EEFSEC: variants seen among roughly 807,000 people sequenced by gnomAD.
The protein encoded by EEFSEC is eukaryotic elongation factor, selenocysteine-tRNA specific, also known as selenocysteine-specific elongation factor.
In EEFSEC, 43 loss-of-function variants were observed where a neutral mutation model predicts 42.1. The ratio of observed to expected loss-of-function variants is 1.02; its 90% CI spans 0.80 to 1.32. The LOEUF (loss-of-function observed/expected upper bound fraction) is 1.32, where lower values mean the gene tolerates loss of function less well. Ranked by LOEUF, EEFSEC falls within the 40% of genes most tolerant of loss-of-function variation. The pLI, the probability that EEFSEC is intolerant of heterozygous loss-of-function variation, is 0.00. For synonymous variants in EEFSEC, 354 were observed against 339.1 expected (o/e 1.04, Z -0.48); for missense variants, 745 against 803.6 (o/e 0.93, Z 0.88).
intron 1 of EEFSEC, among the ~76,000 whole-genome samples, chr3:128,203,932 A>G (rs1245613362): frequency 6.6e-6 from 1 of 152,240 alleles, no homozygotes; most frequent in East Asian, 1.9e-4. Context: ...AATGTAAATG[A>G]AACACTAGAG....
intron 1 of EEFSEC, among the ~76,000 whole-genome samples, chr3:128,205,187 G>T (rs1036692371): frequency 2.6e-5 from 4 of 152,122 alleles, no homozygotes; most frequent in Admixed American, 2.6e-4. Context: ...TTATTGATTG[G>T]TTCATTTGTA....
At chr3:128,333,923 T>C (rs2067161579) in intron 4 of EEFSEC, among the ~76,000 whole-genome samples, 1 of 152,118 alleles carries the variant, frequency 6.6e-6, no homozygotes, top group Non-Finnish European at 1.5e-5. Flanking sequence ...CTGGGAGCAG[T>C]CAGAAGGGGG....
At chr3:128,250,935 T>C (rs1238511866) in intron 2 of EEFSEC, among the ~76,000 whole-genome samples, 1 of 106,014 alleles carries the variant, frequency 9.4e-6, no homozygotes, top group African/African-American at 3.4e-5. Flanking sequence ...TTTTTAGCAA[T>C]GTTTTGTAGT....
At chr3:128,184,927 T>G (rs912914280) in intron 1 of EEFSEC, among the ~76,000 whole-genome samples, 2 of 152,124 alleles carry the variant, frequency 1.3e-5, no homozygotes, top group African/African-American at 4.8e-5. Flanking sequence ...TCCCAGCATT[T>G]TGGGAGGCTG....
At chr3:128,321,583 C>A (rs1213722645) in intron 4 of EEFSEC, among the ~76,000 whole-genome samples, 1 of 152,134 alleles carries the variant, frequency 6.6e-6, no homozygotes, top group Admixed American at 6.5e-5. Flanking sequence ...GCTGCCTGCC[C>A]AGGCCACGGC....
chr3:128,391,146 GT>G (rs931298212), intron 6 of EEFSEC, among the ~76,000 whole-genome samples: 2 of 152,262 alleles, frequency 1.3e-5, no homozygotes, highest in African/African-American at 4.8e-5. Flanking sequence ...CCTGCATAGA[GT>G]AGGTGCTCGC....
intron 1 of EEFSEC, among the ~76,000 whole-genome samples, chr3:128,168,578 C>T (rs1323207779): frequency 1.3e-5 from 2 of 152,228 alleles, no homozygotes; most frequent in African/African-American, 4.8e-5. Context: ...TAGACCAGGT[C>T]ACTCACCTCC....
intron 6 of EEFSEC, among the ~76,000 whole-genome samples, chr3:128,371,034 A>C (rs1469315858): frequency 6.6e-6 from 1 of 152,270 alleles, no homozygotes; most frequent in Admixed American, 6.5e-5. Context: ...TGCTTGTTAA[A>C]ATGAGTAGGA....
intron 5 of EEFSEC, among the ~76,000 whole-genome samples, chr3:128,343,745 G>A (rs1401415562): frequency 6.6e-6 from 1 of 152,174 alleles, no homozygotes; most frequent in Non-Finnish European, 1.5e-5. Context: ...TAAACATATG[G>A]CCTCAATGAC....
chr3:128,201,545 A>G lies in EEFSEC; in HGVS notation c.317-45291A>G, dbSNP rs1018645331. Among the ~76,000 whole-genome samples the G allele has an allele frequency of 3.3e-5, 5 of 152,130 alleles. No individual in the cohort carries two copies. The South Asian group carries it at 8.3e-4, about 25-fold the overall frequency. The stretch of plus-strand genomic sequence containing the variant: ...GAAGCAGCTTTCAAATCTTTTGCCT[A>G]TTTTTTATTAGATTTTAAAAAATTA... On this transcript the variant is annotated intron_variant, in intron 1 of 6. Transcript: ENST00000254730.
rs575454119 is a variant in EEFSEC, at chr3:128,178,545, C to T, written c.316+24722C>T. ...TGAAACTTCCTAACGGTCATTCTTTCGGGGGCAGGCAGATTGGTAGAAGTA... is the reference window on the plus strand; with the variant it reads ...TGAAACTTCCTAACGGTCATTCTTTTGGGGGCAGGCAGATTGGTAGAAGTA... On this transcript the variant is annotated intron_variant, in intron 1 of 6. Transcript: ENST00000254730. Among the ~76,000 whole-genome samples the T allele has an allele frequency of 4.4e-3, 514 of 116,188 alleles. 3 individuals are homozygous for T. Among genetic ancestry groups the T allele is most frequent in the Non-Finnish European group, 8.0e-3 (397 of 49,354 alleles). The allele number at this position is 116,188 out of a possible 152,430, so 76.2% of individuals were successfully genotyped here. A position where few individuals can be genotyped will look rare whatever the true frequency, so the allele number is the denominator to read the frequency against.
intron 4 of EEFSEC, among the ~76,000 whole-genome samples, chr3:128,273,519 C>A (rs1248711166): frequency 1.3e-5 from 2 of 152,210 alleles, no homozygotes; most frequent in African/African-American, 2.4e-5. Context: ...AAGTGAATGG[C>A]ATGCCCTTTT....
At chr3:128,375,727 C>G (rs897843616) in intron 6 of EEFSEC, among the ~76,000 whole-genome samples, 6 of 152,190 alleles carry the variant, frequency 3.9e-5, no homozygotes, top group Admixed American at 1.3e-4. Flanking sequence ...CTTCTCCACT[C>G]CCTGGACAGA....
intron 4 of EEFSEC, among the ~76,000 whole-genome samples, chr3:128,304,592 C>G (rs2066806358): frequency 6.6e-6 from 1 of 152,086 alleles, no homozygotes; most frequent in South Asian, 2.1e-4. Flanking sequence ...GTGACAATTT[C>G]CATTCTTCCT....
intron 1 of EEFSEC, among the ~76,000 whole-genome samples, chr3:128,214,942 ACAT>A (rs1559871718): frequency 6.6e-6 from 1 of 152,214 alleles, no homozygotes; most frequent in Non-Finnish European, 1.5e-5. Context: ...AAATCATGTA[ACAT>A]CAGAAACCTT....
chr3:128,193,427 G>A (rs2107806505), intron 1 of EEFSEC, among the ~76,000 whole-genome samples: 1 of 152,332 alleles, frequency 6.6e-6, no homozygotes, highest in East Asian at 1.9e-4. Context: ...TGGCACTTCG[G>A]GGGAGGGGCT....
chr3:128,171,094 G>A (rs1369956987), intron 1 of EEFSEC, among the ~76,000 whole-genome samples: 1 of 152,154 alleles, frequency 6.6e-6, no homozygotes, highest in Non-Finnish European at 1.5e-5. Flanking sequence ...TCATCTCCAT[G>A]CCGACTCCGA....
chr3:128,418,196 C>G, the EEFSEC span, among the ~76,000 whole-genome samples: 1 of 152,128 alleles, frequency 6.6e-6, no homozygotes. Context: ...CTCAGCACCC[C>G]CTCCTCACCT....
intron 1 of EEFSEC, among the ~76,000 whole-genome samples, chr3:128,209,079 C>T (rs2065729134): frequency 6.6e-6 from 1 of 152,130 alleles, no homozygotes. Context: ...CCAGCGTTTC[C>T]CAAAGCATAC....
Sources: gnomAD v4.1 joint callset for allele counts (sites outside exome capture counted in the v4.1 genomes callset) on GRCh38, gnomAD v4.1.1 for gene constraint, MANE v1.5 for transcripts, NCBI Gene and HGNC (gene_info 2026-07-23, HGNC 2026-07-21) for gene names.